PTPRO: variants seen among roughly 807,000 people sequenced by gnomAD.
PTPRO encodes the protein receptor-type tyrosine-protein phosphatase O.
In PTPRO, 62 loss-of-function variants were observed where a neutral mutation model predicts 145.2. The observed-to-expected ratio is 0.43, with a 90% CI of 0.35 to 0.53. The LOEUF (loss-of-function observed/expected upper bound fraction) is 0.53. PTPRO is among the 20% of genes least tolerant of loss of function. PTPRO has a pLI of 0.01. For missense variants in PTPRO, 1,345 were observed against 1,482.7 expected, an observed-to-expected ratio of 0.91 and a Z score of 1.53; for synonymous variants, 565 against 514.7, an observed-to-expected ratio of 1.10 and a Z score of -1.32.
chr12:15,366,665 T>C (rs1411392269), intron 1 of PTPRO, among the ~76,000 whole-genome samples: 1 of 152,194 alleles, frequency 6.6e-6, no homozygotes, highest in Non-Finnish European at 1.5e-5. Flanking sequence ...GGTGTACTTG[T>C]TTTTATTAAT....
At chr12:15,500,884 T>C (rs1942207744) in intron 4 of PTPRO, among the ~76,000 whole-genome samples, 1 of 152,168 alleles carries the variant, frequency 6.6e-6, no homozygotes, top group Admixed American at 6.5e-5. Flanking sequence ...ACCACGTCAT[T>C]GCACTCTAGC....
intron 1 of PTPRO, among the ~76,000 whole-genome samples, chr12:15,361,070 T>G (rs1181274894): frequency 6.6e-6 from 1 of 151,164 alleles, no homozygotes; most frequent in Non-Finnish European, 1.5e-5. Context: ...TTTGTATATA[T>G]TGAAACATAT....
intron 1 of PTPRO, among the ~76,000 whole-genome samples, chr12:15,435,390 C>T (rs531914364): frequency 5.3e-5 from 8 of 152,160 alleles, no homozygotes; most frequent in African/African-American, 1.7e-4. Context: ...TGATATCAGT[C>T]ATAAAATCTC....
intron 12 of PTPRO, among the ~76,000 whole-genome samples, chr12:15,541,177 T>C (rs1473424989): frequency 6.6e-6 from 1 of 152,204 alleles, no homozygotes; most frequent in Non-Finnish European, 1.5e-5. Context: ...AATGTTATGA[T>C]TGAAAATGTC....
Position 15,501,693 on chromosome 12 carries a change from C to T in PTPRO, c.735C>T (p.Gly245=). The T allele has an allele frequency of 6.2e-7, 1 of 1,613,858 alleles. No homozygotes were observed. Among genetic ancestry groups the T allele is most frequent in the African/African-American group, 1.3e-5 (1 of 75,020 alleles). ...AAAACAACTGGGAAGAACAGAGTGG[C>T]AATTTCCCAGAAGAATCCTTCATGA... ...LNKNNWEEQS[G]NFPEESFMRS... is the part of the protein sequence containing the mutation. Residue 245 remains glycine, a synonymous_variant, in exon 5 of 27, where the codon GGC becomes GGT. Transcript: ENST00000281171.
intron 1 of PTPRO, among the ~76,000 whole-genome samples, chr12:15,432,429 G>A (rs571070161): frequency 3.3e-5 from 5 of 152,182 alleles, no homozygotes; most frequent in Non-Finnish European, 7.3e-5. Flanking sequence ...TTGATTGTAT[G>A]TCTTTGCTAC....
intron 1 of PTPRO, among the ~76,000 whole-genome samples, chr12:15,469,120 TG>T (rs1695007957): frequency 6.6e-6 from 1 of 152,210 alleles, no homozygotes; most frequent in Admixed American, 6.5e-5. Context: ...ATTTCATGCC[TG>T]TGGGGAAATT....
intron 1 of PTPRO, chr12:15,440,122 G>T (rs745694627): frequency 5.0e-5 from 32 of 643,434 alleles, no homozygotes; most frequent in Non-Finnish European, 7.6e-5. Context: ...CTGAGTCCAG[G>T]AACATTGGCA....
chr12:15,508,808 T>C (rs777739693), intron 7 of PTPRO, 41 bp downstream of exon 7: 14 of 1,594,768 alleles, frequency 8.8e-6, no homozygotes, highest in Non-Finnish European at 1.1e-5. Context: ...CGGTCCTTCC[T>C]AAGCACAACC....
chr12:15,371,178 C>T (rs1938516496), intron 1 of PTPRO, among the ~76,000 whole-genome samples: 1 of 151,366 alleles, frequency 6.6e-6, no homozygotes, highest in Non-Finnish European at 1.5e-5. Context: ...ACTTGTAGTA[C>T]TTTATAACCA....
chr12:15,507,296 C>T (rs1486962575), intron 6 of PTPRO, among the ~76,000 whole-genome samples: 1 of 151,850 alleles, frequency 6.6e-6, no homozygotes, highest in Non-Finnish European at 1.5e-5. Context: ...ACCTGTAATC[C>T]CAGCTACTCG....
chr12:15,505,552 A>G (rs1388392266), intron 6 of PTPRO, among the ~76,000 whole-genome samples: 1 of 152,128 alleles, frequency 6.6e-6, no homozygotes, highest in South Asian at 2.1e-4. Context: ...AGGCTCCTAG[A>G]AGTTTTGTTT....
At chr12:15,505,081 G>A (rs1942295232) in intron 6 of PTPRO, among the ~76,000 whole-genome samples, 1 of 152,170 alleles carries the variant, frequency 6.6e-6, no homozygotes, top group Non-Finnish European at 1.5e-5. Flanking sequence ...GGACAAAGTC[G>A]AGTATTTCAT....
chr12:15,475,581 T>C (rs1941635501), intron 1 of PTPRO, among the ~76,000 whole-genome samples: 1 of 152,106 alleles, frequency 6.6e-6, no homozygotes, highest in Admixed American at 6.6e-5. Context: ...TCCGAATAAG[T>C]CCTAAAGTAC....
chr12:15,455,043 G>T (rs952975664), intron 1 of PTPRO, among the ~76,000 whole-genome samples: 3 of 151,894 alleles, frequency 2.0e-5, no homozygotes, highest in Non-Finnish European at 4.4e-5. Flanking sequence ...AGATTGCTTT[G>T]GCTATTCAGA....
At chr12:15,373,220 A>T (rs1418942998) in intron 1 of PTPRO, among the ~76,000 whole-genome samples, 1 of 152,184 alleles carries the variant, frequency 6.6e-6, no homozygotes, top group East Asian at 1.9e-4. Context: ...CACCAAGTTG[A>T]TTGTAGGCTT....
At chr12:15,403,914 A>C (rs914917488) in intron 1 of PTPRO, among the ~76,000 whole-genome samples, 1 of 151,908 alleles carries the variant, frequency 6.6e-6, no homozygotes, top group Middle Eastern at 3.2e-3. Context: ...AAGAGTGTTT[A>C]GGGCCAGGCA....
intron 1 of PTPRO, among the ~76,000 whole-genome samples, chr12:15,444,041 C>A (rs780133325): frequency 3.3e-5 from 5 of 151,670 alleles, no homozygotes; most frequent in Non-Finnish European, 7.4e-5. Flanking sequence ...CTCACATGTT[C>A]ATCACAGCAC....
At chr12:15,522,313 T>C (rs1048459547) in intron 10 of PTPRO, among the ~76,000 whole-genome samples, 15 of 151,920 alleles carry the variant, frequency 9.9e-5, no homozygotes, top group Non-Finnish European at 1.3e-4. Context: ...GTTTGTTACA[T>C]AGGTATACAT....
Sources: allele counts gnomAD v4.1 joint callset (sites outside exome capture counted in the v4.1 genomes callset), GRCh38; gene constraint gnomAD v4.1.1; transcripts MANE v1.5; gene names NCBI Gene and HGNC (gene_info 2026-07-23, HGNC 2026-07-21).